The following UBXN6 variants were observed in gnomAD, a reference collection of about 807,000 sequenced individuals.
UBXN6 encodes UBX domain-containing protein 6.
UBXN6 carries 44 observed loss-of-function variants against 51.4 expected under a neutral mutation model. The ratio of observed to expected loss-of-function variants is 0.86; its 90% confidence interval spans 0.67 to 1.10. The LOEUF (loss-of-function observed/expected upper bound fraction) is 1.10. UBXN6 is among the 50% of genes least tolerant of loss of function. The pLI is 0.00. For missense variants in UBXN6, 672 were observed against 596.1 expected, an observed-to-expected ratio of 1.13 and a Z score of -1.32; for synonymous variants, 316 against 263.2, an observed-to-expected ratio of 1.20 and a Z score of -1.94.
chr19:4,457,497 C>CG, intron 1 of UBXN6, 118 bp downstream of exon 1: 2 of 855,926 alleles, frequency 2.3e-6, no homozygotes, highest in Admixed American at 7.6e-5. Flanking sequence ...CCCTGACCCT[C>CG]GCGTGCCGCT....
At chr19:4,456,156 T>C (rs12609703) in intron 1 of UBXN6, among the ~76,000 whole-genome samples, 81,802 of 151,136 alleles carry the variant, frequency 0.54, 22,556 homozygotes, top group Admixed American at 0.71. Context: ...TCTGGGCTGA[T>C]CCAGCCATCA....
At chr19:4,452,226 A>ATT (rs1192237655) in intron 4 of UBXN6, 138 bp downstream of exon 4, 92 of 1,230,880 alleles carry the variant, frequency 7.5e-5, no homozygotes, top group Admixed American at 1.2e-4. Flanking sequence ...GATTTGGGGT[A>ATT]TCAGAGGAGG....
chr19:4,448,701 C>CTG (rs1974594037), intron 4 of UBXN6: 3 of 459,168 alleles, frequency 6.5e-6, no homozygotes, highest in Non-Finnish European at 1.2e-5. Flanking sequence ...CGCGACAGAA[C>CTG]TGTGCCTCAC....
intron 1 of UBXN6, chr19:4,455,242 C>T (rs183565495): frequency 1.1e-5 from 11 of 985,524 alleles, no homozygotes; most frequent in East Asian, 1.1e-4. Flanking sequence ...ATTTCTGTGC[C>T]GTAGGTCTAT....
In UBXN6 at chr19:4,446,661, C is replaced by T. The variant is rs753612345; in HGVS notation, c.759G>A (p.Leu253=). 43 of 1,612,182 alleles carry T rather than the reference C, an allele frequency of 2.7e-5. 1 individual carries two copies. The Admixed American group carries it at 6.7e-4, about 25-fold the overall frequency. The part of the protein sequence containing the change: ...SETTLAQPQS[L]ERHKEQLLAA... ...CCAGCAGCTGTTCCTTGTGCCTCTC[C>T]AGGCTCTGGGGCTGGGCCAAGGTGG... is the stretch of plus-strand genomic sequence containing the variant. The change falls in exon 8 of 11, where the codon CTG becomes CTA. Residue 253 remains leucine, a synonymous_variant. Transcript: ENST00000301281.
intron 10 of UBXN6, 86 bp downstream of exon 10, chr19:4,445,963 G>A (rs750560368): frequency 1.3e-6 from 2 of 1,508,720 alleles, no homozygotes; most frequent in South Asian, 1.3e-5. Flanking sequence ...AGAACAAGGA[G>A]GCTCCCTCCT....
At chr19:4,455,325 G>A (rs1439204200) in intron 1 of UBXN6, 23 of 984,670 alleles carry the variant, frequency 2.3e-5, no homozygotes, top group Non-Finnish European at 2.8e-5. Context: ...TACCCGGGCA[G>A]CCCTCCCTCC....
intron 6 of UBXN6, 138 bp from the exon 7 acceptor site, chr19:4,447,058 C>T (rs75475637): frequency 0.014 from 10,768 of 791,994 alleles, 115 homozygotes; most frequent in Middle Eastern, 0.024. Context: ...CTGGGGGTGC[C>T]TCAGTGCTGG....
At chr19:4,448,693 C>G in intron 4 of UBXN6, 2 of 480,732 alleles carry the variant, frequency 4.2e-6, no homozygotes, top group South Asian at 4.4e-5. Flanking sequence ...CAGTGTGACG[C>G]GACAGAACTG....
intron 4 of UBXN6, 52 bp from the exon 5 acceptor site, chr19:4,448,467 G>A (rs1363798064): frequency 2.1e-6 from 3 of 1,427,128 alleles, no homozygotes; most frequent in Non-Finnish European, 2.9e-6. Flanking sequence ...GGGCCGCACG[G>A]CCCTCCGCTG....
Position 4,446,422 on chromosome 19 carries a change from G to C in UBXN6, c.921-9C>G, listed in dbSNP as rs752766527. ...GCTCCACCGCCTCGGACCTGCACAC[G>C]CGGGCCAGGTCACGAGGGCTGGCCG... On this transcript the variant is annotated splice_polypyrimidine_tract_variant and intron_variant, in intron 8 of 10. Coordinates refer to ENST00000301281, the MANE Select transcript of UBXN6 (RefSeq NM_025241.3). 2 of 1,577,084 alleles carry C rather than the reference G, an allele frequency of 1.3e-6. No homozygotes were observed. Among genetic ancestry groups the C allele is most frequent in the South Asian group, 2.3e-5 (2 of 88,560 alleles).
chr19:4,447,165 A>G (rs1974551207), intron 6 of UBXN6: 2 of 593,302 alleles, frequency 3.4e-6, no homozygotes, highest in Non-Finnish European at 6.0e-6. Context: ...GAGGCTGAGG[A>G]GCCAGACACT....
chr19:4,447,842 G>A (rs1462172713), intron 5 of UBXN6: 36 of 579,662 alleles, frequency 6.2e-5, no homozygotes, highest in South Asian at 3.4e-4. Flanking sequence ...GGAGCCCCAC[G>A]GAACCCCTCA....
chr19:4,446,024 G>T, intron 10 of UBXN6, 25 bp downstream of exon 10: 1 of 1,595,982 alleles, frequency 6.3e-7, no homozygotes. Context: ...TCGGGTCAGC[G>T]GTGCTCCTGC....
chr19:4,457,364 G>A (rs1974753147), intron 1 of UBXN6, among the ~76,000 whole-genome samples: 1 of 63,478 alleles, frequency 1.6e-5, no homozygotes, highest in African/African-American at 6.3e-5. Context: ...CCCTCCCCTC[G>A]CCTCCCCCGC....
chr19:4,452,577 C>T (rs1161664434), intron 3 of UBXN6, 85 bp from the exon 4 acceptor site: 20 of 1,483,774 alleles, frequency 1.3e-5, no homozygotes, highest in African/African-American at 2.8e-5. Context: ...GAGTGTGGCC[C>T]GTAGAACCAG....
At position 4,445,612 on chromosome 19, in the gene UBXN6, G is replaced by A. The variant is rs1487651895; in HGVS notation, c.1212C>T (p.Ala404=). 1 of 1,613,178 alleles carries A rather than the reference G, an allele frequency of 6.2e-7. No individual in the cohort carries two copies. The highest frequency in any genetic ancestry group is 1.1e-5 in the South Asian group (1 of 91,090). The change falls in exon 11 of 11, where the codon GCC becomes GCT. Residue 404 remains alanine (A), a synonymous_variant. Transcript: ENST00000301281. ...CCATGTCCCACGAGAAGGTCAGGAG[G>A]GCAGAGGGCACCTGCGGTAGGGGTA... The part of the protein sequence containing the change: ...ALNECGLVPS[A]LLTFSWDMAV...
intron 6 of UBXN6, 101 bp from the exon 7 acceptor site, chr19:4,447,021 C>G: frequency 8.5e-7 from 1 of 1,183,276 alleles, no homozygotes; most frequent in Non-Finnish European, 1.2e-6. Flanking sequence ...TTGGGAGCAG[C>G]TGTCGACCCC....
At chr19:4,455,142 G>T in intron 1 of UBXN6, 1 of 927,222 alleles carries the variant, frequency 1.1e-6, no homozygotes, top group Non-Finnish European at 1.3e-6. Flanking sequence ...GAGAAGCCTC[G>T]CAGAGAAGCC....
Sources: gnomAD v4.1 joint callset for allele counts (sites outside exome capture counted in the v4.1 genomes callset) on GRCh38, gnomAD v4.1.1 for gene constraint, MANE v1.5 for transcripts, NCBI Gene and HGNC (gene_info 2026-07-23, HGNC 2026-07-21) for gene names.